Variants in NPAS3 observed in about 807,000 individuals in gnomAD.
The protein encoded by NPAS3 is neuronal PAS domain protein 3, also known as neuronal PAS domain-containing protein 3.
A neutral mutation model predicts 73.1 loss-of-function variants in NPAS3; 14 were observed. The ratio of observed to expected loss-of-function variants is 0.19; its 90% CI spans 0.13 to 0.30. The LOEUF is 0.30. Ranked by LOEUF, NPAS3 falls within the 10% of genes least tolerant of loss-of-function variation. NPAS3 has a pLI of 1.00. For missense variants in NPAS3, 1,096 were observed against 1,250.0 expected (o/e 0.88, Z 1.86); for synonymous variants, 620 against 541.5 (o/e 1.14, Z -2.01).
chr14:33,261,531 T>G (rs2048978064), intron 3 of NPAS3, among the ~76,000 whole-genome samples: 1 of 152,126 alleles, frequency 6.6e-6, no homozygotes, highest in South Asian at 2.1e-4. Flanking sequence ...ATATATGTAT[T>G]TATTTTTATA....
intron 5 of NPAS3, among the ~76,000 whole-genome samples, chr14:33,653,057 C>T (rs77037215): frequency 3.0e-4 from 46 of 152,324 alleles, no homozygotes; most frequent in African/African-American, 8.7e-4. Flanking sequence ...GGAGCACTTG[C>T]CCTTGGCATA....
chr14:33,181,407 G>A (rs1185083608), intron 2 of NPAS3, among the ~76,000 whole-genome samples: 2 of 152,172 alleles, frequency 1.3e-5, no homozygotes, highest in Non-Finnish European at 2.9e-5. Flanking sequence ...ATGAAGAACA[G>A]GCATAAAACT....
At chr14:33,317,850 C>T (rs1583802) in intron 3 of NPAS3, among the ~76,000 whole-genome samples, 33,172 of 151,944 alleles carry the variant, frequency 0.22, 4,280 homozygotes, top group Middle Eastern at 0.34. Context: ...TAACAGCTAC[C>T]GTAATATGAA....
rs140754775 is a variant in NPAS3, at chr14:33,615,286, A to C, written c.558+55076A>C. 2.4e-3 allele frequency among the ~76,000 whole-genome samples: 361 copies of C among 152,326 alleles called. 9 individuals are homozygous for C. The highest frequency in any genetic ancestry group is 8.2e-3 in the African/African-American group (342 of 41,556). ...GCATGTTTTTAAGGCAGGGAAAGGCATAAACTAAGTACCAAGTTCAATTTG... is the reference window on the plus strand; with the variant it reads ...GCATGTTTTTAAGGCAGGGAAAGGCCTAAACTAAGTACCAAGTTCAATTTG... On this transcript the variant is annotated intron_variant, in intron 5 of 11. Coordinates refer to ENST00000356141, the Ensembl canonical transcript of NPAS3.
At chr14:33,620,135 TG>T (rs1390020103) in intron 5 of NPAS3, among the ~76,000 whole-genome samples, 1 of 152,200 alleles carries the variant, frequency 6.6e-6, no homozygotes, top group African/African-American at 2.4e-5. Flanking sequence ...CATGCTCCTG[TG>T]GTGATGATAT....
chr14:33,321,395 A>T (rs539372997), intron 3 of NPAS3, among the ~76,000 whole-genome samples: 11 of 151,962 alleles, frequency 7.2e-5, no homozygotes, highest in African/African-American at 2.7e-4. Flanking sequence ...TTTTTCAGTA[A>T]CTCCTGAAAT....
At chr14:33,146,879 G>GT (rs1314810581) in intron 2 of NPAS3, among the ~76,000 whole-genome samples, 1 of 152,188 alleles carries the variant, frequency 6.6e-6, no homozygotes, top group Non-Finnish European at 1.5e-5. Flanking sequence ...TTCAGCTGAA[G>GT]TTGTTTCCTT....
chr14:33,093,330 A>C (rs189217060), intron 2 of NPAS3, among the ~76,000 whole-genome samples: 15,036 of 152,228 alleles, frequency 0.099, 1,199 homozygotes, highest in African/African-American at 0.22. Context: ...GTCACTTCTC[A>C]AAAGAAGACA....
At chr14:33,398,497 CT>C (rs36007223) in intron 4 of NPAS3, among the ~76,000 whole-genome samples, 2 of 148,224 alleles carry the variant, frequency 1.3e-5, no homozygotes, top group Non-Finnish European at 3.0e-5. Context: ...TTAACTTTTT[CT>C]TAGTAATATG....
chr14:33,703,185 TTATGA>T (rs1255671693), intron 6 of NPAS3, among the ~76,000 whole-genome samples: 1 of 152,256 alleles, frequency 6.6e-6, no homozygotes, highest in East Asian at 1.9e-4. Flanking sequence ...ATGAATAGCG[TTATGA>T]TATTAAATTA....
intron 3 of NPAS3, among the ~76,000 whole-genome samples, chr14:33,215,914 C>G (rs2047206334): frequency 6.6e-6 from 1 of 152,124 alleles, no homozygotes; most frequent in Non-Finnish European, 1.5e-5. Context: ...TTTCAATTTT[C>G]TCTATATACA....
intron 4 of NPAS3, among the ~76,000 whole-genome samples, chr14:33,553,685 C>T (rs912856105): frequency 2.6e-5 from 4 of 152,096 alleles, no homozygotes; most frequent in African/African-American, 9.7e-5. Flanking sequence ...TAAATAAAGC[C>T]TAAACCTTTG....
At chr14:32,993,516 G>A (rs1005103688) in intron 1 of NPAS3, among the ~76,000 whole-genome samples, 2 of 152,184 alleles carry the variant, frequency 1.3e-5, no homozygotes, top group African/African-American at 2.4e-5. Context: ...AAGCAAATGC[G>A]CAAAGTGAAA....
chr14:33,353,286 A>G (rs2045168011), intron 3 of NPAS3, among the ~76,000 whole-genome samples: 1 of 152,202 alleles, frequency 6.6e-6, no homozygotes, highest in Non-Finnish European at 1.5e-5. Flanking sequence ...ATGATTTAAT[A>G]TTCTTTTAGC....
chr14:33,190,607 A>T (rs534976714), intron 2 of NPAS3, among the ~76,000 whole-genome samples: 9 of 152,364 alleles, frequency 5.9e-5, no homozygotes, highest in African/African-American at 1.9e-4. Flanking sequence ...GAAAATGAAC[A>T]AAGTGTGTCT....
chr14:33,633,977 CAAAAA>C (rs764782043), intron 5 of NPAS3, among the ~76,000 whole-genome samples: 1 of 149,942 alleles, frequency 6.7e-6, no homozygotes, highest in Non-Finnish European at 1.5e-5. Flanking sequence ...GACCATGTCT[CAAAAA>C]AAAAGAGAAA....
At chr14:33,478,265 C>T (rs1436639181) in intron 4 of NPAS3, among the ~76,000 whole-genome samples, 1 of 152,090 alleles carries the variant, frequency 6.6e-6, no homozygotes, top group Non-Finnish European at 1.5e-5. Flanking sequence ...GCCAAATGTG[C>T]TCTAAAAGAG....
chr14:32,987,680 A>G (rs1439029645), intron 1 of NPAS3, among the ~76,000 whole-genome samples: 1 of 152,228 alleles, frequency 6.6e-6, no homozygotes, highest in African/African-American at 2.4e-5. Context: ...TATATATTCT[A>G]TAAAAATTAC....
exon 12 of NPAS3, chr14:33,801,067 C>G (rs780483115): frequency 1.1e-5 from 18 of 1,594,048 alleles, no homozygotes; most frequent in Non-Finnish European, 1.5e-5. Flanking sequence ...TCTACAGCAA[C>G]GGCATCCACG....
Sources: allele counts gnomAD v4.1 joint callset (sites outside exome capture counted in the v4.1 genomes callset), GRCh38; gene constraint gnomAD v4.1.1; transcripts MANE v1.5; gene names NCBI Gene and HGNC (gene_info 2026-07-23, HGNC 2026-07-21).